PIGU: variants seen among roughly 807,000 people sequenced by gnomAD.
The protein encoded by PIGU is phosphatidylinositol glycan anchor biosynthesis class U.
PIGU carries 24 observed loss-of-function variants against 49.9 expected under a neutral mutation model. The ratio of observed to expected loss-of-function variants is 0.48; its 90% CI spans 0.35 to 0.68. PIGU has a LOEUF of 0.68. PIGU is among the 30% of genes least tolerant of loss of function. The pLI, the probability that PIGU is intolerant of heterozygous loss-of-function variation, is 0.01. For missense variants in PIGU, 490 were observed against 532.6 expected, an observed-to-expected ratio of 0.92 and a Z score of 0.79; for synonymous variants, 220 against 205.7, an observed-to-expected ratio of 1.07 and a Z score of -0.59.
intron 10 of PIGU, among the ~76,000 whole-genome samples, chr20:34,576,233 T>TA (rs899791421): frequency 1.3e-5 from 2 of 151,838 alleles, no homozygotes; most frequent in Non-Finnish European, 2.9e-5. Context: ...AATTTAAAAA[T>TA]AAAAAATGTT....
chr20:34,674,126 C>A (rs1600679609), intron 1 of PIGU, among the ~76,000 whole-genome samples: 2 of 151,622 alleles, frequency 1.3e-5, no homozygotes, highest in South Asian at 4.2e-4. Context: ...CAGGTCAAGG[C>A]GGGCGGCTCA....
At chr20:34,673,895 A>T (rs1987395570) in intron 1 of PIGU, among the ~76,000 whole-genome samples, 1 of 152,020 alleles carries the variant, frequency 6.6e-6, no homozygotes, top group Non-Finnish European at 1.5e-5. Flanking sequence ...TCTACTAAAA[A>T]TACAAAAATT....
intron 7 of PIGU, among the ~76,000 whole-genome samples, chr20:34,610,430 A>T (rs932940032): frequency 1.3e-5 from 2 of 152,182 alleles, no homozygotes; most frequent in Non-Finnish European, 2.9e-5. Flanking sequence ...CAAAGCGCCA[A>T]ATCATGAGTG....
At chr20:34,584,642 TGG>T (rs1983626727) in intron 9 of PIGU, among the ~76,000 whole-genome samples, 1 of 151,098 alleles carries the variant, frequency 6.6e-6, no homozygotes, top group African/African-American at 2.4e-5. Context: ...CCCAAGCAGC[TGG>T]GACTACAGGG....
intron 1 of PIGU, among the ~76,000 whole-genome samples, chr20:34,666,392 AT>A (rs1987091711): frequency 6.6e-6 from 1 of 152,028 alleles, no homozygotes; most frequent in Non-Finnish European, 1.5e-5. Context: ...TCATGGGACT[AT>A]TATCTAACAA....
At chr20:34,618,335 C>A (rs1985087437) in intron 6 of PIGU, among the ~76,000 whole-genome samples, 1 of 152,132 alleles carries the variant, frequency 6.6e-6, no homozygotes, top group Non-Finnish European at 1.5e-5. Flanking sequence ...GGATAGAGAG[C>A]CCTAGTTTAC....
In PIGU at chr20:34,575,224, G is replaced by A. The variant is rs1983176658; in HGVS notation, c.1074C>T (p.Leu358=). The change falls in exon 11 of 12, where the codon CTC becomes CTT. Residue 358 remains leucine (L), a synonymous_variant. Coordinates refer to ENST00000217446, the MANE Select transcript of PIGU (RefSeq NM_080476.5). ...LYRFLRNIFV[L]TCIIIVCSLL... is the part of the protein sequence containing the mutation. ...GGGAACAGACGATGATGATGCAGGTGAGGACAAAGATGTTTCTCAGGACTG... is the reference window on the plus strand; with the variant it reads ...GGGAACAGACGATGATGATGCAGGTAAGGACAAAGATGTTTCTCAGGACTG... The A allele has an allele frequency of 1.2e-6, 2 of 1,614,156 alleles. No homozygotes were observed. The highest frequency in any genetic ancestry group is 1.7e-6 in the Non-Finnish European group (2 of 1,180,012).
At chr20:34,642,456 G>C (rs1012163033) in intron 4 of PIGU, among the ~76,000 whole-genome samples, 5 of 151,282 alleles carry the variant, frequency 3.3e-5, no homozygotes, top group Non-Finnish European at 7.4e-5. Flanking sequence ...GTTTTAACTA[G>C]GGAGTGTGAG....
chr20:34,658,130 T>C (rs913509196), intron 1 of PIGU, among the ~76,000 whole-genome samples: 38 of 152,248 alleles, frequency 2.5e-4, no homozygotes, highest in African/African-American at 8.4e-4. Context: ...GTGCCTGCGA[T>C]TGCAGGCGCG....
At chr20:34,648,121 T>A (rs1473871765) in intron 2 of PIGU, among the ~76,000 whole-genome samples, 2 of 151,964 alleles carry the variant, frequency 1.3e-5, no homozygotes, top group Non-Finnish European at 2.9e-5. Flanking sequence ...TGAGGTAGCA[T>A]GCACCTGTAA....
chr20:34,564,426 G>A (rs923522480), intron 11 of PIGU, among the ~76,000 whole-genome samples: 5 of 152,190 alleles, frequency 3.3e-5, no homozygotes, highest in African/African-American at 1.2e-4. Context: ...CCAGCTACTC[G>A]GGAAGCCGAG....
At chr20:34,660,879 G>A (rs1986908507) in intron 1 of PIGU, among the ~76,000 whole-genome samples, 1 of 152,092 alleles carries the variant, frequency 6.6e-6, no homozygotes, top group Non-Finnish European at 1.5e-5. Context: ...ATTCTAATAA[G>A]GCCTGTAATT....
intron 9 of PIGU, among the ~76,000 whole-genome samples, chr20:34,582,173 T>C (rs942464935): frequency 1.3e-5 from 2 of 152,236 alleles, no homozygotes; most frequent in Non-Finnish European, 2.9e-5. Flanking sequence ...ATGAACTTCT[T>C]TCCAGGAAGA....
At chr20:34,572,679 C>T (rs867595219) in intron 11 of PIGU, among the ~76,000 whole-genome samples, 2 of 152,122 alleles carry the variant, frequency 1.3e-5, no homozygotes, top group Middle Eastern at 3.4e-3. Context: ...AAATAAAGTG[C>T]CAAAATAACC....
intron 7 of PIGU, among the ~76,000 whole-genome samples, chr20:34,599,830 CT>C (rs911104052): frequency 1.8e-4 from 27 of 152,200 alleles, no homozygotes; most frequent in East Asian, 1.7e-3. Flanking sequence ...ATGGCCCCCC[CT>C]GTAAGCTTTA....
intron 6 of PIGU, among the ~76,000 whole-genome samples, chr20:34,623,628 G>A (rs1985338018): frequency 1.3e-5 from 2 of 152,150 alleles, no homozygotes; most frequent in African/African-American, 4.8e-5. Flanking sequence ...GCATCACTGG[G>A]CCACCCTCTT....
chr20:34,609,086 C>T (rs1281956072), intron 7 of PIGU, among the ~76,000 whole-genome samples: 1 of 152,050 alleles, frequency 6.6e-6, no homozygotes, highest in Non-Finnish European at 1.5e-5. Flanking sequence ...TCAAGACCAG[C>T]CCGGGCAACA....
chr20:34,676,687 T>C (rs1987511175), intron 1 of PIGU, among the ~76,000 whole-genome samples: 2 of 152,146 alleles, frequency 1.3e-5, no homozygotes, highest in Admixed American at 6.5e-5. Context: ...CTCAGGACAC[T>C]GAATGGGACA....
At chr20:34,573,005 C>T (rs540595883) in intron 11 of PIGU, among the ~76,000 whole-genome samples, 6 of 152,204 alleles carry the variant, frequency 3.9e-5, no homozygotes, top group South Asian at 2.1e-4. Flanking sequence ...CTTTTCATTG[C>T]ATAGTCTTTT....
Sources: gnomAD v4.1 joint callset for allele counts (sites outside exome capture counted in the v4.1 genomes callset) on GRCh38, gnomAD v4.1.1 for gene constraint, MANE v1.5 for transcripts, NCBI Gene and HGNC (gene_info 2026-07-23, HGNC 2026-07-21) for gene names.